Variants in USH2A observed in about 807,000 individuals in gnomAD.
USH2A encodes Usher syndrome 2A (autosomal recessive, mild).
Under a neutral mutation model 538.9 loss-of-function variants are expected in USH2A, and 443 were observed. The observed-to-expected ratio is 0.82, with a 90% CI of 0.76 to 0.89. USH2A has a LOEUF of 0.89. USH2A is among the 40% of genes least tolerant of loss of function. The pLI, the probability that USH2A is intolerant of heterozygous loss-of-function variation, is 0.00. For synonymous variants in USH2A, 2,413 were observed against 2,273.5 expected (o/e 1.06, Z -1.75); for missense variants, 6,633 against 6,324.8 (o/e 1.05, Z -1.65).
intron 30 of USH2A, among the ~76,000 whole-genome samples, chr1:216,067,496 GAAA>G (rs368313875): frequency 8.1e-6 from 1 of 124,118 alleles, no homozygotes; most frequent in Non-Finnish European, 1.7e-5. Flanking sequence ...GCCAGGGAGA[GAAA>G]AAAAAAAAAA....
chr1:215,742,005 T>C (rs559364174), intron 59 of USH2A, among the ~76,000 whole-genome samples: 19 of 152,316 alleles, frequency 1.2e-4, no homozygotes, highest in Non-Finnish European at 1.8e-4. Flanking sequence ...TGTACCTCCA[T>C]TGCACAGTTT....
At chr1:216,365,207 T>C in intron 3 of USH2A, 122 bp from the exon 4 acceptor site, 1 of 1,156,336 alleles carries the variant, frequency 8.6e-7, no homozygotes, top group Non-Finnish European at 1.2e-6. Context: ...CTGGGAAGAC[T>C]GAAAACATTA....
chr1:216,394,275 AG>A (rs2039163977), intron 3 of USH2A, among the ~76,000 whole-genome samples: 1 of 151,928 alleles, frequency 6.6e-6, no homozygotes, highest in African/African-American at 2.4e-5. Flanking sequence ...TCAACTTCTG[AG>A]AAACTTTAAA....
chr1:216,172,225 T>A (rs139045018), intron 21 of USH2A, among the ~76,000 whole-genome samples: 99 of 152,220 alleles, frequency 6.5e-4, no homozygotes, highest in African/African-American at 2.3e-3. Context: ...ATGAGATATT[T>A]CTTACTGAGA....
chr1:216,011,370 C>T (rs1668564565), intron 32 of USH2A, among the ~76,000 whole-genome samples: 1 of 152,176 alleles, frequency 6.6e-6, no homozygotes, highest in South Asian at 2.1e-4. Context: ...CAAAGCTTCA[C>T]AGATAGCCCC....
At chr1:215,980,392 G>A (rs1045351289) in intron 35 of USH2A, among the ~76,000 whole-genome samples, 7 of 152,082 alleles carry the variant, frequency 4.6e-5, no homozygotes, top group South Asian at 4.2e-4. Flanking sequence ...ACAACTTTAC[G>A]GCTTCCATAT....
At chr1:216,331,810 A>T (rs775651493) in intron 4 of USH2A, among the ~76,000 whole-genome samples, 1 of 152,158 alleles carries the variant, frequency 6.6e-6, no homozygotes, top group Non-Finnish European at 1.5e-5. Context: ...TATAGGTAAA[A>T]ACTATAAGAC....
At chr1:215,977,089 C>T (rs534907501) in intron 35 of USH2A, among the ~76,000 whole-genome samples, 1 of 151,684 alleles carries the variant, frequency 6.6e-6, no homozygotes, top group East Asian at 1.9e-4. Flanking sequence ...TTATAAACAC[C>T]TCTATGTACA....
At chr1:215,951,247 T>C (rs1666904938) in intron 37 of USH2A, among the ~76,000 whole-genome samples, 2 of 152,232 alleles carry the variant, frequency 1.3e-5, no homozygotes, top group South Asian at 2.1e-4. Flanking sequence ...GATTCTGGTA[T>C]GTTGTGTCTT....
At chr1:216,394,398 A>G (rs909470215) in intron 3 of USH2A, among the ~76,000 whole-genome samples, 3 of 152,176 alleles carry the variant, frequency 2.0e-5, no homozygotes, top group African/African-American at 7.2e-5. Context: ...ATAAAAGAGT[A>G]GCACAAAGGA....
At chr1:215,802,273 T>A (rs953208190) in intron 49 of USH2A, among the ~76,000 whole-genome samples, 1 of 151,988 alleles carries the variant, frequency 6.6e-6, no homozygotes, top group Admixed American at 6.6e-5. Flanking sequence ...ATTGGATTCA[T>A]CATAATTAAT....
chr1:215,699,692 T>C (rs1658943472), intron 61 of USH2A, among the ~76,000 whole-genome samples: 1 of 152,220 alleles, frequency 6.6e-6, no homozygotes, highest in African/African-American at 2.4e-5. Flanking sequence ...CTTATCAGCT[T>C]AAGGCATTTT....
intron 32 of USH2A, among the ~76,000 whole-genome samples, chr1:216,028,040 G>C (rs1485112522): frequency 6.6e-6 from 1 of 152,190 alleles, no homozygotes; most frequent in Non-Finnish European, 1.5e-5. Flanking sequence ...TTTCTTCACT[G>C]AGAAAATGGG....
At chr1:216,238,207 A>C (rs2035867344) in intron 13 of USH2A, among the ~76,000 whole-genome samples, 1 of 152,208 alleles carries the variant, frequency 6.6e-6, no homozygotes, top group African/African-American at 2.4e-5. Flanking sequence ...ATTAGTACAA[A>C]ACATGTCATA....
intron 44 of USH2A, 118 bp from the exon 45 acceptor site, chr1:215,846,151 G>T: frequency 1.0e-6 from 1 of 968,494 alleles, no homozygotes; most frequent in South Asian, 1.5e-5. Context: ...CCTTTGTTTT[G>T]GAAATGTTAA....
At chr1:215,784,727 T>C (rs934997421) in intron 52 of USH2A, among the ~76,000 whole-genome samples, 1 of 152,242 alleles carries the variant, frequency 6.6e-6, no homozygotes, top group Non-Finnish European at 1.5e-5. Context: ...TGAACATCTT[T>C]CATGAAAAAG....
intron 41 of USH2A, among the ~76,000 whole-genome samples, chr1:215,881,629 C>T (rs919615892): frequency 6.6e-6 from 1 of 152,070 alleles, no homozygotes; most frequent in African/African-American, 2.4e-5. Flanking sequence ...TGTTGCATCC[C>T]TAAAAATTCA....
At chr1:216,103,863 T>C (rs2032656451) in intron 21 of USH2A, among the ~76,000 whole-genome samples, 2 of 152,124 alleles carry the variant, frequency 1.3e-5, no homozygotes, top group African/African-American at 4.8e-5. Context: ...ATGAGACACA[T>C]CTCCATACTC....
intron 20 of USH2A, among the ~76,000 whole-genome samples, chr1:216,184,325 TC>T (rs1405867905): frequency 6.6e-6 from 1 of 151,992 alleles, no homozygotes; most frequent in Non-Finnish European, 1.5e-5. Context: ...TGATTTTTTT[TC>T]CCCACTTTCT....
Sources: gnomAD v4.1 joint callset for allele counts (sites outside exome capture counted in the v4.1 genomes callset) on GRCh38, gnomAD v4.1.1 for gene constraint, MANE v1.5 for transcripts, NCBI Gene and HGNC (gene_info 2026-07-23, HGNC 2026-07-21) for gene names.